TMC2: variants seen among roughly 807,000 people sequenced by gnomAD.
The protein encoded by TMC2 is transmembrane channel-like protein 2.
TMC2 carries 102 observed loss-of-function variants against 105.9 expected under a neutral mutation model. That is an observed-to-expected ratio of 0.96 (90% confidence interval 0.82 to 1.14). TMC2 has a LOEUF of 1.14. Among genes scored for constraint, TMC2 ranks in the 50% most tolerant of loss-of-function variants. The pLI is 0.00. For synonymous variants in TMC2, 402 were observed against 422.8 expected (o/e 0.95, Z 0.60); for missense variants, 1,093 against 1,134.3 (o/e 0.96, Z 0.52).
chr20:2,619,779 G>C (rs945738187), intron 16 of TMC2, among the ~76,000 whole-genome samples: 3 of 152,216 alleles, frequency 2.0e-5, no homozygotes, highest in Non-Finnish European at 2.9e-5. Flanking sequence ...AGCAAGGTTT[G>C]GAGGGCTGGG....
chr20:2,593,718 GGC>G (rs2146211981), intron 8 of TMC2, among the ~76,000 whole-genome samples: 1 of 152,146 alleles, frequency 6.6e-6, no homozygotes, highest in African/African-American at 2.4e-5. Context: ...TCCCTGCCTT[GGC>G]TTGGCTCCTA....
intron 7 of TMC2, among the ~76,000 whole-genome samples, chr20:2,589,954 C>G (rs1304346346): frequency 1.3e-5 from 2 of 152,192 alleles, no homozygotes; most frequent in African/African-American, 4.8e-5. Context: ...CAGGCATGAG[C>G]CACCGCGCAT....
At chr20:2,620,664 T>G (rs1289842354) in intron 16 of TMC2, among the ~76,000 whole-genome samples, 1 of 152,092 alleles carries the variant, frequency 6.6e-6, no homozygotes, top group African/African-American at 2.4e-5. Flanking sequence ...CTCCCAGAAT[T>G]CTGTGGCGGG....
intron 3 of TMC2, among the ~76,000 whole-genome samples, chr20:2,559,153 G>C (rs2086007513): frequency 6.6e-6 from 1 of 152,178 alleles, no homozygotes; most frequent in African/African-American, 2.4e-5. Flanking sequence ...GGCTCTCGAA[G>C]AGGAGGAGCT....
intron 10 of TMC2, among the ~76,000 whole-genome samples, chr20:2,601,701 G>A (rs893465450): frequency 2.0e-5 from 3 of 151,806 alleles, no homozygotes; most frequent in African/African-American, 2.4e-5. Context: ...TTAGCCAGGC[G>A]TGGTGGTGCA....
chr20:2,617,261 G>A lies in TMC2; in HGVS notation c.2130G>A (p.Val710=), dbSNP rs2086490758. 1.2e-6 allele frequency: 2 copies of A among 1,614,048 alleles called. No homozygotes were observed. Among genetic ancestry groups the A allele is most frequent in the Non-Finnish European group, 1.7e-6 (2 of 1,180,036 alleles). ...TGCTCTTCCTCAGCCTCCTGCCGGT[G>A]GCCTACACCATCATGTCCCTCCCAC... ...LLVLFLSLLP[V]AYTIMSLPPS... The change falls in exon 16 of 20, where the codon GTG becomes GTA. Residue 710 remains valine (V), a synonymous_variant. Transcript: ENST00000358864.
chr20:2,561,838 C>G lies in TMC2; in HGVS notation c.402-20C>G. 6.2e-7 allele frequency: 1 copy of G among 1,607,108 alleles called. No individual in the cohort carries two copies. The highest frequency in any genetic ancestry group is 8.5e-7 in the Non-Finnish European group (1 of 1,176,948). The stretch of plus-strand genomic sequence containing the variant: ...CTCCTTTCCAACTTCCCTCTGCCTC[C>G]GCCCTGGCTCTGCCTCCAGGTCATC... On this transcript the variant is annotated intron_variant, in intron 3 of 19. Coordinates refer to ENST00000358864, the MANE Select transcript of TMC2 (RefSeq NM_080751.3).
rs201067776 is a variant in TMC2, at chr20:2,580,049, T to C, written c.827T>C (p.Ile276Thr). ...LFGLIFGLVIIPEVLMGMPYG... is the reference protein window; with the variant it reads ...LFGLIFGLVITPEVLMGMPYG... ...GGCTTAATATTTGGTCTAGTCATAA[T>C]CCCAGAGGTAAGAAAAGAACTTCCT... The change falls in exon 7 of 20, where the codon ATC becomes ACC. Residue 276 changes from isoleucine to threonine, a missense_variant. Ile to Thr is a moderately conservative substitution (Grantham distance 89, BLOSUM62 -1). Coordinates refer to ENST00000358864, the MANE Select transcript of TMC2 (RefSeq NM_080751.3). 2.2e-5 allele frequency: 35 copies of C among 1,604,832 alleles called. No homozygotes were observed. The highest frequency in any genetic ancestry group is 2.9e-5 in the Non-Finnish European group (34 of 1,171,786).
chr20:2,569,188 A>T (rs1568508398), intron 4 of TMC2, among the ~76,000 whole-genome samples: 1 of 152,222 alleles, frequency 6.6e-6, no homozygotes, highest in East Asian at 1.9e-4. Flanking sequence ...GGCCAACTCA[A>T]AGCTACTAAC....
At chr20:2,603,526 T>A (rs2086366849) in intron 11 of TMC2, among the ~76,000 whole-genome samples, 2 of 152,248 alleles carry the variant, frequency 1.3e-5, no homozygotes, top group Admixed American at 6.5e-5. Context: ...TATTTATAAT[T>A]AACCCATCTA....
chr20:2,626,244 A>G (rs1299799371), intron 17 of TMC2, among the ~76,000 whole-genome samples: 4 of 152,196 alleles, frequency 2.6e-5, no homozygotes, highest in African/African-American at 9.7e-5. Context: ...ATGAATCTGC[A>G]ATTTGGGTAG....
Position 2,561,937 on chromosome 20 carries a change from G to A in TMC2, c.481G>A (p.Glu161Lys). ...ACTGGCCCAGATCCTGGAGCAGGTGGAAGAAAAAAAGAAGCTCATTGCCAC... is the reference window on the plus strand; with the variant it reads ...ACTGGCCCAGATCCTGGAGCAGGTGAAAGAAAAAAAGAAGCTCATTGCCAC... ...EELAQILEQV[E>K]EKKKLIATMR... Residue 161 changes from glutamate (E) to lysine (K), a missense_variant, in exon 4 of 20, where the codon GAA (glutamate) becomes AAA (lysine). Physicochemically the swap from Glu to Lys is moderately conservative, Grantham distance 56 (BLOSUM62 1). Coordinates refer to ENST00000358864, the MANE Select transcript of TMC2 (RefSeq NM_080751.3). 6.2e-7 allele frequency: 1 copy of A among 1,614,198 alleles called. No individual in the cohort carries two copies. Among genetic ancestry groups the A allele is most frequent in the Non-Finnish European group, 8.5e-7 (1 of 1,180,012 alleles).
Position 2,552,089 on chromosome 20 carries a change from A to G in TMC2, c.83-6367A>G, listed in dbSNP as rs1600097309. Among the ~76,000 whole-genome samples the G allele has an allele frequency of 4.0e-5, 6 of 150,026 alleles. No homozygotes were observed. In the South Asian group the frequency reaches 1.3e-3, roughly 32 times the overall value. On this transcript the variant is annotated intron_variant, in intron 2 of 19. Coordinates refer to ENST00000358864, the MANE Select transcript of TMC2 (RefSeq NM_080751.3). The stretch of plus-strand genomic sequence containing the variant: ...ACTCAGGCAATACAGAGACTCTACA[A>G]AAAAAAAAAATTATAAAATTAGCTG...
intron 9 of TMC2, among the ~76,000 whole-genome samples, chr20:2,596,397 C>T (rs11698916): frequency 0.2 from 31,120 of 151,934 alleles, 3,924 homozygotes; most frequent in Middle Eastern, 0.3. Flanking sequence ...TTTGGGAGGC[C>T]GAGGCAGGCA....
At chr20:2,613,134 G>A in intron 13 of TMC2, 60 bp from the exon 14 acceptor site, 1 of 1,572,246 alleles carries the variant, frequency 6.4e-7, no homozygotes, top group South Asian at 1.2e-5. Flanking sequence ...AAACTCTCAG[G>A]GAGGGTGGGA....
chr20:2,560,790 T>C (rs1296196780), intron 3 of TMC2, among the ~76,000 whole-genome samples: 3 of 150,264 alleles, frequency 2.0e-5, no homozygotes, highest in Non-Finnish European at 4.4e-5. Context: ...TGAGCCGAGA[T>C]TGCGCCACTG....
rs1212925647 is a variant in TMC2 at position 2,621,372 on chromosome 20, A to AC, written c.2181-2899_2181-2898insC. ...GTGAGACTCCATCTCAACAACAACA[A>AC]AAAAAAAAAAAAAGGAAGGAGAGGG... On this transcript the variant is annotated intron_variant, in intron 16 of 19. Transcript: ENST00000358864. Among the ~76,000 whole-genome samples, 1,060 of 142,344 alleles carry AC rather than the reference A, an allele frequency of 7.4e-3. 7 individuals are homozygous for AC. Among genetic ancestry groups the AC allele is most frequent in the Middle Eastern group, 0.04 (11 of 276 alleles). The allele number at this position is 142,344 out of a possible 152,430, so 93.4% of individuals were successfully genotyped here.
intron 2 of TMC2, among the ~76,000 whole-genome samples, chr20:2,545,853 G>GAAAGAAAA (rs767245798): frequency 3.3e-5 from 2 of 60,456 alleles, no homozygotes; most frequent in African/African-American, 9.0e-5. Context: ...AAGAAAGAAA[G>GAAAGAAAA]AGAAAGAAAG....
chr20:2,579,030 G>C, intron 5 of TMC2, 116 bp from the exon 6 acceptor site: 1 of 670,784 alleles, frequency 1.5e-6, no homozygotes, highest in South Asian at 1.6e-5. Context: ...CAAGACAGCA[G>C]CTTCACCCAT....
Sources: gnomAD v4.1 joint callset for allele counts (sites outside exome capture counted in the v4.1 genomes callset) on GRCh38, gnomAD v4.1.1 for gene constraint, MANE v1.5 for transcripts, NCBI Gene and HGNC (gene_info 2026-07-23, HGNC 2026-07-21) for gene names.